The following NFASC variants were observed in gnomAD, a reference collection of about 807,000 sequenced individuals.
NFASC encodes the protein neurofascin.
A neutral mutation model predicts 147.5 loss-of-function variants in NFASC; 43 were observed. That is an observed-to-expected ratio of 0.29 (90% confidence interval 0.23 to 0.38). The LOEUF (loss-of-function observed/expected upper bound fraction) is 0.38, where lower values mean the gene tolerates loss of function less well. Among genes scored for constraint, NFASC ranks in the 10% least tolerant of loss-of-function variants. The pLI, the probability that NFASC is intolerant of heterozygous loss-of-function variation, is 1.00. For synonymous variants in NFASC, 622 were observed against 665.5 expected, an observed-to-expected ratio of 0.93 and a Z score of 1.01; for missense variants, 1,320 against 1,689.0, an observed-to-expected ratio of 0.78 and a Z score of 3.83.
At chr1:204,932,904 G>A (rs2092491231) in intron 2 of NFASC, among the ~76,000 whole-genome samples, 1 of 152,216 alleles carries the variant, frequency 6.6e-6, no homozygotes, top group Non-Finnish European at 1.5e-5. Context: ...CTTGAAGACT[G>A]AGTAGGAATT....
intron 1 of NFASC, among the ~76,000 whole-genome samples, chr1:204,852,373 GC>G (rs1363568681): frequency 6.6e-6 from 1 of 152,180 alleles, no homozygotes; most frequent in Non-Finnish European, 1.5e-5. Context: ...GGTGGCATGT[GC>G]CTGTAGTCCC....
intron 25 of NFASC, 69 bp from the exon 26 acceptor site, chr1:205,001,101 G>C (rs2095974032): frequency 1.2e-6 from 1 of 866,828 alleles, no homozygotes; most frequent in Admixed American, 2.0e-5. Flanking sequence ...TTGTGTGTAT[G>C]TGTGTGTCTC....
chr1:204,922,662 CTG>C (rs1198916656), intron 2 of NFASC, among the ~76,000 whole-genome samples: 2 of 152,152 alleles, frequency 1.3e-5, no homozygotes, highest in African/African-American at 4.8e-5. Flanking sequence ...GAATTGTAGA[CTG>C]TTTTTCTCGC....
At chr1:204,966,291 G>C (rs1053115498) in intron 8 of NFASC, among the ~76,000 whole-genome samples, 2 of 152,114 alleles carry the variant, frequency 1.3e-5, no homozygotes, top group African/African-American at 4.8e-5. Context: ...CGTGCTGGTG[G>C]TGTCGCGCGT....
At chr1:205,003,326 G>T (rs1479496988) in intron 27 of NFASC, among the ~76,000 whole-genome samples, 1 of 152,226 alleles carries the variant, frequency 6.6e-6, no homozygotes, top group Non-Finnish European at 1.5e-5. Flanking sequence ...TTTTTGTCAT[G>T]CAGGGAGAGG....
intron 27 of NFASC, among the ~76,000 whole-genome samples, chr1:205,005,162 G>A (rs2096077681): frequency 6.6e-6 from 1 of 152,254 alleles, no homozygotes; most frequent in Non-Finnish European, 1.5e-5. Context: ...GGGGCAAGGG[G>A]TGGAGAGGTG....
Position 204,954,957 on chromosome 1 carries a change from T to G in NFASC, c.535+6T>G, listed in dbSNP as rs755376839. 25 of 1,613,190 alleles carry G rather than the reference T, an allele frequency of 1.5e-5. No individual in the cohort carries two copies. In the East Asian group the frequency reaches 5.6e-4, roughly 36 times the overall value. On this transcript the variant is annotated splice_donor_region_variant and intron_variant, in intron 7 of 29. Transcript: ENST00000339876. This position sits in a 1 kb window ranked among gnomAD's most constrained non-coding sequence, Gnocchi z 5.7. ...CATCTTCTGGATGAGCAGCTGTGAGTCTTGGGGGCCTGGTGTTGTGTTTAT... is the reference window on the plus strand; with the variant it reads ...CATCTTCTGGATGAGCAGCTGTGAGGCTTGGGGGCCTGGTGTTGTGTTTAT...
At chr1:204,988,875 G>A in intron 23 of NFASC, 69 bp downstream of exon 23, 1 of 1,457,006 alleles carries the variant, frequency 6.9e-7, no homozygotes, top group Non-Finnish European at 9.6e-7. Flanking sequence ...GAAACACTGA[G>A]ATCTGTAGCT....
At chr1:204,853,714 C>T (rs1441032257) in intron 1 of NFASC, among the ~76,000 whole-genome samples, 8 of 152,220 alleles carry the variant, frequency 5.3e-5, no homozygotes, top group African/African-American at 1.9e-4. Flanking sequence ...TGAGAGAAGA[C>T]TCTGATGCTC....
At chr1:204,871,557 A>G (rs926581898) in intron 1 of NFASC, among the ~76,000 whole-genome samples, 1 of 152,068 alleles carries the variant, frequency 6.6e-6, no homozygotes, top group Admixed American at 6.5e-5. Flanking sequence ...TCGTTTGGCC[A>G]TTTGCTCTGG....
chr1:204,973,181 C>T, intron 11 of NFASC, 95 bp from the exon 12 acceptor site: 1 of 1,382,260 alleles, frequency 7.2e-7, no homozygotes, highest in Non-Finnish European at 1.0e-6. Flanking sequence ...CCCCACAGCA[C>T]CCCGCTTGTT....
intron 1 of NFASC, among the ~76,000 whole-genome samples, chr1:204,838,748 T>G (rs991310296): frequency 6.6e-6 from 1 of 152,228 alleles, no homozygotes; most frequent in Non-Finnish European, 1.5e-5. Flanking sequence ...ACTGCAACTC[T>G]ATGTATCTTT....
intron 21 of NFASC, chr1:204,984,393 A>ATATATACGCG (rs2095572149): frequency 5.2e-5 from 8 of 154,670 alleles, no homozygotes; most frequent in East Asian, 1.8e-4. Flanking sequence ...ATATATATAT[A>ATATATACGCG]TATATATATA....
In NFASC at chr1:204,989,101, G is replaced by A. The variant is rs1490598569; in HGVS notation, c.2767+295G>A. ...TTCTTGTAGAGGAATAAGGAAGAGA[G>A]CATGAGTTGAGAAATGAGAGAAATC... On this transcript the variant is annotated intron_variant, in intron 23 of 29. Coordinates refer to ENST00000339876, the MANE Select transcript of NFASC (RefSeq NM_001005388.3). 5 of 441,404 alleles carry A rather than the reference G, an allele frequency of 1.1e-5. 1 individual carries two copies. The highest frequency in any genetic ancestry group is 9.9e-5 in the African/African-American group (5 of 50,466). 27.3% of individuals were successfully genotyped at this position (441,404 alleles called of 1,614,324 possible). A position where few individuals can be genotyped will look rare whatever the true frequency, so the allele number is the denominator to read the frequency against.
chr1:204,976,980 T>C (rs990035026), intron 16 of NFASC, 185 bp downstream of exon 16: 12 of 1,372,710 alleles, frequency 8.7e-6, no homozygotes, highest in Non-Finnish European at 1.0e-5. Context: ...CAAGCTGTGC[T>C]GGACAGGTTA....
chr1:204,843,377 A>G (rs2102533031), intron 1 of NFASC, among the ~76,000 whole-genome samples: 1 of 152,334 alleles, frequency 6.6e-6, no homozygotes, highest in Admixed American at 6.5e-5. Flanking sequence ...CAATGGTAAC[A>G]TCTTGCAAAA....
chr1:204,964,126 G>T (rs542311786), intron 8 of NFASC, among the ~76,000 whole-genome samples: 36 of 152,240 alleles, frequency 2.4e-4, no homozygotes, highest in African/African-American at 7.5e-4. Context: ...TAAATCCAGG[G>T]TCCGGGACAT....
At chr1:204,857,273 C>T (rs550037546) in intron 1 of NFASC, among the ~76,000 whole-genome samples, 5 of 152,186 alleles carry the variant, frequency 3.3e-5, no homozygotes, top group Admixed American at 6.5e-5. Context: ...TCAAAGTGGG[C>T]CCAAAATCCC....
chr1:204,995,966 A>G (rs764853820), intron 24 of NFASC, among the ~76,000 whole-genome samples: 3 of 152,076 alleles, frequency 2.0e-5, no homozygotes, highest in Admixed American at 6.5e-5. Flanking sequence ...CGTCAACACT[A>G]GAAAGTGGAG....
Sources: allele counts gnomAD v4.1 joint callset (sites outside exome capture counted in the v4.1 genomes callset), GRCh38; gene constraint gnomAD v4.1.1; non-coding constraint Gnocchi (gnomAD v3.1); transcripts MANE v1.5; gene names NCBI Gene and HGNC (gene_info 2026-07-23, HGNC 2026-07-21).